The following SLCO3A1 variants were observed in gnomAD, a reference collection of about 807,000 sequenced individuals.
SLCO3A1 encodes PGE1 transporter.
Under a neutral mutation model 63.1 loss-of-function variants are expected in SLCO3A1, and 27 were observed. That is an observed-to-expected ratio of 0.43 (90% CI 0.32 to 0.59). The LOEUF is 0.59. Among genes scored for constraint, SLCO3A1 ranks in the 20% least tolerant of loss-of-function variants. The pLI is 0.09. For missense variants in SLCO3A1, 773 were observed against 945.8 expected, an observed-to-expected ratio of 0.82 and a Z score of 2.40; for synonymous variants, 473 against 409.9, an observed-to-expected ratio of 1.15 and a Z score of -1.86.
chr15:91,946,171 C>T (rs1408575593), intron 2 of SLCO3A1, among the ~76,000 whole-genome samples: 1 of 152,176 alleles, frequency 6.6e-6, no homozygotes, highest in East Asian at 1.9e-4. Flanking sequence ...GAGCAGGCCT[C>T]TTGTAATGCA....
At chr15:92,023,564 GT>G (rs2046535825) in intron 2 of SLCO3A1, among the ~76,000 whole-genome samples, 2 of 151,938 alleles carry the variant, frequency 1.3e-5, no homozygotes, top group Admixed American at 1.3e-4. Context: ...TGCCTCCCGG[GT>G]TCAGGCGATT....
chr15:91,885,443 G>A lies in SLCO3A1; in HGVS notation c.181-30550G>A, dbSNP rs566662996. On this transcript the variant is annotated intron_variant, in intron 1 of 9. Transcript: ENST00000318445. This position sits in a 1 kb window ranked among gnomAD's most constrained non-coding sequence, Gnocchi z 4.7. ...AGCTCCTGTGTTTCAGGAAGAAGCC[G>A]GGCAGATGCCTCTTTGTTCCAGCAG... is the stretch of plus-strand genomic sequence containing the variant. 4.5e-4 allele frequency among the ~76,000 whole-genome samples: 69 copies of A among 152,298 alleles called. No individual in the cohort carries two copies. Among genetic ancestry groups the A allele is most frequent in the African/African-American group, 1.5e-3 (61 of 41,566 alleles).
At chr15:92,080,004 G>A (rs549799263) in intron 2 of SLCO3A1, among the ~76,000 whole-genome samples, 15 of 152,338 alleles carry the variant, frequency 9.8e-5, no homozygotes, top group Non-Finnish European at 1.9e-4. Context: ...ATGGATTTCC[G>A]GCCTGCGGCT....
At chr15:91,983,882 G>A (rs2046017749) in intron 2 of SLCO3A1, among the ~76,000 whole-genome samples, 1 of 152,136 alleles carries the variant, frequency 6.6e-6, no homozygotes, top group Non-Finnish European at 1.5e-5. Flanking sequence ...CCATAACATT[G>A]CTCTGATGTT....
chr15:91,951,586 C>T (rs1478825667), intron 2 of SLCO3A1, among the ~76,000 whole-genome samples: 3 of 143,798 alleles, frequency 2.1e-5, no homozygotes, highest in Non-Finnish European at 3.0e-5. Context: ...GACAGAGTCT[C>T]ACTTTGTCAT....
At chr15:92,002,105 C>T (rs999607376) in intron 2 of SLCO3A1, among the ~76,000 whole-genome samples, 1 of 152,090 alleles carries the variant, frequency 6.6e-6, no homozygotes, top group African/African-American at 2.4e-5. Context: ...CCCTTAGCTG[C>T]TGGAACTGAG....
At chr15:92,133,120 C>T (rs1336436432) in intron 7 of SLCO3A1, among the ~76,000 whole-genome samples, 1 of 145,764 alleles carries the variant, frequency 6.9e-6, no homozygotes, top group African/African-American at 2.5e-5. Flanking sequence ...CATCCCTGGG[C>T]TCTCCCCACC....
chr15:92,050,789 C>A (rs1459096137), intron 2 of SLCO3A1, among the ~76,000 whole-genome samples: 2 of 152,188 alleles, frequency 1.3e-5, no homozygotes, highest in African/African-American at 4.8e-5. Context: ...CTTATCACAA[C>A]TGGGAGAGCC....
intron 2 of SLCO3A1, among the ~76,000 whole-genome samples, chr15:91,985,049 C>T (rs550656866): frequency 1.3e-5 from 2 of 152,286 alleles, no homozygotes; most frequent in African/African-American, 4.8e-5. Flanking sequence ...TTTACACACT[C>T]ATATGACCAC....
intron 2 of SLCO3A1, among the ~76,000 whole-genome samples, chr15:92,087,940 C>T (rs1400944811): frequency 2.6e-5 from 4 of 152,192 alleles, no homozygotes; most frequent in African/African-American, 4.8e-5. Flanking sequence ...CCTAGCCTGA[C>T]CCTTCTTGTA....
In SLCO3A1 at chr15:91,908,284, C is replaced by T. The variant is rs551567513; in HGVS notation, c.181-7709C>T. On this transcript the variant is annotated intron_variant, in intron 1 of 9. Transcript: ENST00000318445. ...TAGAGTCTGTGTCTATGAGATTCTC[C>T]ATATGATTCTTACTCTGCTTTTTAA... Among the ~76,000 whole-genome samples, 3 of 149,742 alleles carry T rather than the reference C, an allele frequency of 2.0e-5. No individual in the cohort carries two copies. The Admixed American group carries it at 2.0e-4, about 10-fold the overall frequency.
At chr15:91,866,083 G>A (rs1897158097) in intron 1 of SLCO3A1, among the ~76,000 whole-genome samples, 1 of 152,198 alleles carries the variant, frequency 6.6e-6, no homozygotes, top group Non-Finnish European at 1.5e-5. Flanking sequence ...CTCTGGGGTG[G>A]TGGTGATTAG....
intron 2 of SLCO3A1, among the ~76,000 whole-genome samples, chr15:91,952,883 A>G (rs1900044964): frequency 1.3e-5 from 2 of 152,126 alleles, no homozygotes; most frequent in Non-Finnish European, 2.9e-5. Flanking sequence ...TGTGTCCAGG[A>G]GGGAAGAGGG....
downstream of SLCO3A1, among the ~76,000 whole-genome samples, chr15:92,168,760 AC>A (rs1291265202): frequency 6.6e-6 from 1 of 152,212 alleles, no homozygotes; most frequent in African/African-American, 2.4e-5. Flanking sequence ...TAAAGTAAGT[AC>A]CCCTTTGCTC....
intron 2 of SLCO3A1, among the ~76,000 whole-genome samples, chr15:92,034,354 G>A (rs1029686994): frequency 3.2e-5 from 3 of 92,476 alleles, no homozygotes; most frequent in African/African-American, 1.5e-4. Context: ...GCAGGCTGGG[G>A]TGGGGTGTTT....
chr15:92,038,077 T>C (rs2046749822), intron 2 of SLCO3A1, among the ~76,000 whole-genome samples: 1 of 152,020 alleles, frequency 6.6e-6, no homozygotes, highest in Non-Finnish European at 1.5e-5. Flanking sequence ...AAGAGCAGAG[T>C]GTACTGGAGC....
rs1287166725 is a variant in SLCO3A1 at position 91,885,089 on chromosome 15, G to A, written c.181-30904G>A. On this transcript the variant is annotated intron_variant, in intron 1 of 9. Coordinates refer to ENST00000318445, the MANE Select transcript of SLCO3A1 (RefSeq NM_013272.4). This position sits in a 1 kb window ranked among gnomAD's most constrained non-coding sequence, Gnocchi z 4.7. ...GTAAAAAGCCTTTCCGTCCCATATA[G>A]GGACACAGAAAGGAGGTGATGGGGG... Among the ~76,000 whole-genome samples, 2 of 152,128 alleles carry A rather than the reference G, an allele frequency of 1.3e-5. No homozygotes were observed. Among genetic ancestry groups the A allele is most frequent in the South Asian group, 2.1e-4 (1 of 4,826 alleles).
chr15:91,938,563 T>A (rs1201655085), intron 2 of SLCO3A1, among the ~76,000 whole-genome samples: 1 of 151,778 alleles, frequency 6.6e-6, no homozygotes, highest in African/African-American at 2.4e-5. Context: ...GCTTTTTCCA[T>A]GTGTCAGGCT....
intron 3 of SLCO3A1, among the ~76,000 whole-genome samples, chr15:92,096,404 C>G (rs2047539818): frequency 6.6e-6 from 1 of 152,226 alleles, no homozygotes; most frequent in African/African-American, 2.4e-5. Context: ...GATTATTACA[C>G]AAGGACCAGA....
Sources: gnomAD v4.1 joint callset for allele counts (sites outside exome capture counted in the v4.1 genomes callset) on GRCh38, gnomAD v4.1.1 for gene constraint, Gnocchi (gnomAD v3.1) non-coding constraint, MANE v1.5 for transcripts, NCBI Gene and HGNC (gene_info 2026-07-23, HGNC 2026-07-21) for gene names.